The following MAP2K5 variants were observed in gnomAD, a reference collection of about 807,000 sequenced individuals.
The protein encoded by MAP2K5 is mitogen-activated protein kinase kinase 5.
MAP2K5 carries 49 observed loss-of-function variants against 83.1 expected under a neutral mutation model. The observed-to-expected ratio is 0.59, with a 90% CI of 0.47 to 0.75. The LOEUF is 0.75. MAP2K5 is among the 30% of genes least tolerant of loss of function. MAP2K5 has a pLI of 0.00. For missense variants in MAP2K5, 457 were observed against 557.5 expected (o/e 0.82, Z 1.82); for synonymous variants, 202 against 191.8 (o/e 1.05, Z -0.44).
At chr15:67,737,679 A>G (rs1429190039) in intron 17 of MAP2K5, among the ~76,000 whole-genome samples, 3 of 152,052 alleles carry the variant, frequency 2.0e-5, no homozygotes. Context: ...GAAAGGAGGC[A>G]GTTGTCTGTT....
rs889671057 is a variant in MAP2K5 at position 67,577,230 on chromosome 15, C to T, written c.253-3524C>T. On this transcript the variant is annotated intron_variant, in intron 3 of 21. Transcript: ENST00000178640. This position sits in a 1 kb window ranked among gnomAD's most constrained non-coding sequence, Gnocchi z 4.1. ...GATTACAGGCGTGAGCCACCGTGCCCGGCCAGTAACCCTATATATTAGGGT... is the reference window on the plus strand; with the variant it reads ...GATTACAGGCGTGAGCCACCGTGCCTGGCCAGTAACCCTATATATTAGGGT... Among the ~76,000 whole-genome samples, 2 of 152,238 alleles carry T rather than the reference C, an allele frequency of 1.3e-5. No homozygotes were observed. Among genetic ancestry groups the T allele is most frequent in the East Asian group, 1.9e-4 (1 of 5,180 alleles).
chr15:67,722,330 A>C lies in MAP2K5; in HGVS notation c.1045-5586A>C, dbSNP rs1047545845. 2.6e-5 allele frequency among the ~76,000 whole-genome samples: 4 copies of C among 151,612 alleles called. No individual in the cohort carries two copies. The highest frequency in any genetic ancestry group is 9.7e-5 in the African/African-American group (4 of 41,042). ...AGTGCAGCTGCAAACTATAGGCAGAAGATTAAATTAATTTGTAACTCTTTT... is the reference window on the plus strand; with the variant it reads ...AGTGCAGCTGCAAACTATAGGCAGACGATTAAATTAATTTGTAACTCTTTT... On this transcript the variant is annotated intron_variant, in intron 16 of 21. Transcript: ENST00000178640. This position sits in a 1 kb window ranked among gnomAD's most constrained non-coding sequence, Gnocchi z 4.2.
At chr15:67,570,451 C>T (rs2084928183) in intron 3 of MAP2K5, among the ~76,000 whole-genome samples, 1 of 152,150 alleles carries the variant, frequency 6.6e-6, no homozygotes, top group African/African-American at 2.4e-5. Context: ...ATTGTAGTCT[C>T]CTCATGACAG....
chr15:67,642,180 A>T (rs1350637815), intron 9 of MAP2K5, among the ~76,000 whole-genome samples: 1 of 152,198 alleles, frequency 6.6e-6, no homozygotes, highest in South Asian at 2.1e-4. Flanking sequence ...GGTGGTGTAC[A>T]TTTTTAGTTT....
chr15:67,776,871 C>T (rs1012758943), intron 21 of MAP2K5, among the ~76,000 whole-genome samples: 2 of 152,178 alleles, frequency 1.3e-5, no homozygotes, highest in African/African-American at 4.8e-5. Context: ...CTCCCCATCC[C>T]CTCTCCACTT....
chr15:67,663,307 A>G (rs1470874413), intron 12 of MAP2K5, among the ~76,000 whole-genome samples: 4 of 151,874 alleles, frequency 2.6e-5, no homozygotes, highest in Admixed American at 2.6e-4. Context: ...TTCTGGTCCT[A>G]CTCCAGTCTA....
rs1430214542 is a variant in MAP2K5, at chr15:67,746,552, A to G, written c.1075-1679A>G. ...TTTTTTAAAGGTAGTTTGGCTTGTTACTGAAATTCTTAACCACTTCCGGGT... is the reference window on the plus strand; with the variant it reads ...TTTTTTAAAGGTAGTTTGGCTTGTTGCTGAAATTCTTAACCACTTCCGGGT... On this transcript the variant is annotated intron_variant, in intron 17 of 21. Transcript: ENST00000178640. This position sits in a 1 kb window ranked among gnomAD's most constrained non-coding sequence, Gnocchi z 4.1. 6.6e-6 allele frequency among the ~76,000 whole-genome samples: 1 copy of G among 152,056 alleles called. No individual in the cohort carries two copies. The highest frequency in any genetic ancestry group is 2.4e-5 in the African/African-American group (1 of 41,366).
intron 16 of MAP2K5, among the ~76,000 whole-genome samples, chr15:67,713,959 C>T (rs1024084325): frequency 1.3e-5 from 2 of 152,178 alleles, no homozygotes; most frequent in African/African-American, 2.4e-5. Context: ...GTGATCTTAG[C>T]CAGTTCAGTT....
At chr15:67,773,561 G>A (rs2090181627) in intron 21 of MAP2K5, among the ~76,000 whole-genome samples, 1 of 152,086 alleles carries the variant, frequency 6.6e-6, no homozygotes, top group African/African-American at 2.4e-5. Context: ...TTCGTCCTTT[G>A]TATTCCAACC....
intron 9 of MAP2K5, among the ~76,000 whole-genome samples, chr15:67,642,060 C>G (rs1458055849): frequency 6.6e-6 from 1 of 152,194 alleles, no homozygotes; most frequent in Admixed American, 6.5e-5. Flanking sequence ...CTATTCTAGA[C>G]TAAAGCAAAT....
At position 67,562,298 on chromosome 15, in the gene MAP2K5, C is replaced by G. The variant is rs150657744; in HGVS notation, c.185-985C>G. ...TATTTGGAAATAGCCATAAGTCATT[C>G]TTAGACATGCTTGGCAGATGATGTG... On this transcript the variant is annotated intron_variant, in intron 2 of 21. Coordinates refer to ENST00000178640, the MANE Select transcript of MAP2K5 (RefSeq NM_145160.3). The surrounding 1 kb of genome is among the most constrained non-coding windows in gnomAD (Gnocchi z 4.1). 6.6e-6 allele frequency among the ~76,000 whole-genome samples: 1 copy of G among 152,242 alleles called. No homozygotes were observed. The highest frequency in any genetic ancestry group is 2.4e-5 in the African/African-American group (1 of 41,544).
In MAP2K5 at chr15:67,748,706, C is replaced by A; in HGVS notation, c.1134+105C>A. The A allele has an allele frequency of 9.3e-7, 1 of 1,080,142 alleles. No individual in the cohort carries two copies. The highest frequency in any genetic ancestry group is 1.4e-6 in the Non-Finnish European group (1 of 713,988). The allele number at this position is 1,080,142 out of a possible 1,614,324, so 66.9% of individuals were successfully genotyped here. On this transcript the variant is annotated intron_variant, in intron 19 of 21. Transcript: ENST00000178640. The surrounding 1 kb of genome is among the most constrained non-coding windows in gnomAD (Gnocchi z 4.0). The stretch of plus-strand genomic sequence containing the variant: ...AGCACAATGCCCAACATCCTTGGAG[C>A]AAGTTGTGTTGTATGGCTCTGAGCT...
chr15:67,727,980 A>G (rs1190080305), intron 17 of MAP2K5, 35 bp downstream of exon 17: 3 of 1,581,408 alleles, frequency 1.9e-6, no homozygotes, highest in African/African-American at 1.3e-5. Context: ...TGCCACTGTG[A>G]CATTCATTCC....
At chr15:67,617,123 A>C (rs2086072271) in intron 8 of MAP2K5, among the ~76,000 whole-genome samples, 1 of 152,176 alleles carries the variant, frequency 6.6e-6, no homozygotes, top group South Asian at 2.1e-4. Context: ...GAGGCAAAAA[A>C]GGGGTATTTC....
chr15:67,644,894 A>G lies in MAP2K5; in HGVS notation c.586-1337A>G, dbSNP rs987859752. Among the ~76,000 whole-genome samples, 2 of 152,166 alleles carry G rather than the reference A, an allele frequency of 1.3e-5. No individual in the cohort carries two copies. Among genetic ancestry groups the G allele is most frequent in the Non-Finnish European group, 2.9e-5 (2 of 68,020 alleles). ...CTGGGCATGGTGGCTTACGCTTGTA[A>G]TCCCAGAACTTTGGGAGGCTGAGGT... is the stretch of plus-strand genomic sequence containing the variant. On this transcript the variant is annotated intron_variant, in intron 9 of 21. Coordinates refer to ENST00000178640, the MANE Select transcript of MAP2K5 (RefSeq NM_145160.3). The surrounding 1 kb of genome is among the most constrained non-coding windows in gnomAD (Gnocchi z 4.6).
At chr15:67,630,087 A>G (rs1377608075) in intron 8 of MAP2K5, among the ~76,000 whole-genome samples, 1 of 152,168 alleles carries the variant, frequency 6.6e-6, no homozygotes, top group African/African-American at 2.4e-5. Context: ...AAAAAAGTAA[A>G]AAGTAGCATG....
rs62015168 is a variant in MAP2K5, at chr15:67,738,332, T to A, written c.1075-9899T>A. Among the ~76,000 whole-genome samples, 17,859 of 152,200 alleles carry A rather than the reference T, an allele frequency of 0.12. 1,175 individuals are homozygous for A. The highest frequency in any genetic ancestry group is 0.14 in the African/African-American group (5,627 of 41,508). On this transcript the variant is annotated intron_variant, in intron 17 of 21. Transcript: ENST00000178640. This position sits in a 1 kb window ranked among gnomAD's most constrained non-coding sequence, Gnocchi z 4.1. ...AGGCCTAGTTGGTAAAATCCTTTAA[T>A]CAAAAGAAAGTTCCTGGCCAAAGGC...
intron 12 of MAP2K5, among the ~76,000 whole-genome samples, chr15:67,660,423 G>C (rs1287163011): frequency 6.6e-6 from 1 of 152,088 alleles, no homozygotes; most frequent in African/African-American, 2.4e-5. Context: ...AAATTGATGG[G>C]CTGTGGGCTG....
Position 67,605,103 on chromosome 15 carries a change from A to G in MAP2K5, c.545+4354A>G, listed in dbSNP as rs185852252. On this transcript the variant is annotated intron_variant, in intron 8 of 21. Coordinates refer to ENST00000178640, the MANE Select transcript of MAP2K5 (RefSeq NM_145160.3). ...GAGTCTCGCTCTGTCGCCAGGCTGG[A>G]GTGCAGTGGAAAGATCTCGTCTCAC... 3.7e-3 allele frequency among the ~76,000 whole-genome samples: 557 copies of G among 149,652 alleles called. 3 individuals are homozygous for G. The highest frequency in any genetic ancestry group is 0.013 in the African/African-American group (514 of 40,560).
Sources: allele counts gnomAD v4.1 joint callset (sites outside exome capture counted in the v4.1 genomes callset), GRCh38; gene constraint gnomAD v4.1.1; non-coding constraint Gnocchi (gnomAD v3.1); transcripts MANE v1.5; gene names NCBI Gene and HGNC (gene_info 2026-07-23, HGNC 2026-07-21).